Variants in DSCAML1 observed in about 807,000 individuals in gnomAD.
DSCAML1 encodes DS cell adhesion molecule like 1.
Under a neutral mutation model 200.5 loss-of-function variants are expected in DSCAML1, and 38 were observed. That is an observed-to-expected ratio of 0.19 (90% CI 0.15 to 0.25). The LOEUF (loss-of-function observed/expected upper bound fraction) is 0.25, where lower values mean the gene tolerates loss of function less well. Among genes scored for constraint, DSCAML1 ranks in the 10% least tolerant of loss-of-function variants. The pLI, the probability that DSCAML1 is intolerant of heterozygous loss-of-function variation, is 1.00. For synonymous variants in DSCAML1, 1,215 were observed against 1,165.0 expected (o/e 1.04, Z -0.87); for missense variants, 2,223 against 2,858.8 (o/e 0.78, Z 5.07).
At chr11:117,456,671 CTTTTT>C (rs10661996) in intron 19 of DSCAML1, among the ~76,000 whole-genome samples, 1 of 142,138 alleles carries the variant, frequency 7.0e-6, no homozygotes, top group Non-Finnish European at 1.5e-5. Context: ...GCAGTCATTT[CTTTTT>C]TTTTTTTTTT....
At chr11:117,811,952 C>T (rs113328792) in intron 1 of DSCAML1, among the ~76,000 whole-genome samples, 21 of 152,322 alleles carry the variant, frequency 1.4e-4, no homozygotes, top group African/African-American at 3.6e-4. Flanking sequence ...CCTCTTAAAA[C>T]TCCCCAACTC....
chr11:117,770,506 C>T (rs2055017533), intron 3 of DSCAML1, among the ~76,000 whole-genome samples: 1 of 152,016 alleles, frequency 6.6e-6, no homozygotes, highest in Admixed American at 6.6e-5. Context: ...TGCCACGGGA[C>T]ATTAGGCAGG....
rs553697722 is a variant in DSCAML1 at position 117,780,105 on chromosome 11, C to T, written c.364+388G>A. On this transcript the variant is annotated intron_variant, in intron 2 of 32. Transcript: ENST00000651296. The surrounding 1 kb of genome is among the most constrained non-coding windows in gnomAD (Gnocchi z 4.8). ...TCTCACCACTGCACTCCAGTCTGGG[C>T]GACAGAGTGAGGCTCTGTCTCAAAA... Among the ~76,000 whole-genome samples, 35 of 140,122 alleles carry T rather than the reference C, an allele frequency of 2.5e-4. No homozygotes were observed. Among genetic ancestry groups the T allele is most frequent in the Admixed American group, 8.3e-4 (11 of 13,318 alleles). 91.9% of individuals were successfully genotyped at this position (140,122 alleles called of 152,430 possible). A position where few individuals can be genotyped will look rare whatever the true frequency, so the allele number is the denominator to read the frequency against.
chr11:117,575,957 A>G (rs1377219792), intron 3 of DSCAML1, among the ~76,000 whole-genome samples: 1 of 152,242 alleles, frequency 6.6e-6, no homozygotes, highest in Non-Finnish European at 1.5e-5. Context: ...TCTGCGCTAC[A>G]GAATAGAGAG....
At chr11:117,682,178 C>T (rs1248570235) in intron 3 of DSCAML1, among the ~76,000 whole-genome samples, 1 of 152,160 alleles carries the variant, frequency 6.6e-6, no homozygotes, top group African/African-American at 2.4e-5. Context: ...AATTGTCCTC[C>T]TCCAATGGCA....
At chr11:117,811,551 A>G (rs573107373) in intron 1 of DSCAML1, among the ~76,000 whole-genome samples, 195 of 152,312 alleles carry the variant, frequency 1.3e-3, no homozygotes, top group African/African-American at 3.5e-3. Context: ...CCAGGAGCTT[A>G]CTACAAGTGC....
In DSCAML1 at chr11:117,780,671, G is replaced by A; in HGVS notation, c.186C>T (p.Ala62=). The change falls in exon 2 of 33, where the codon GCC becomes GCT. Residue 62 remains alanine (A), a synonymous_variant. Coordinates refer to ENST00000651296, the MANE Select transcript of DSCAML1 (RefSeq NM_020693.4). The surrounding 1 kb of genome is among the most constrained non-coding windows in gnomAD (Gnocchi z 4.8). ...SPSAALRWYL[A]TGDDIYDVPH... ...GCACGTCGTAGATGTCGTCCCCTGT[G>A]GCCAGGTACCATCGAAGGGCCGCGC... 6.3e-7 allele frequency: 1 copy of A among 1,594,084 alleles called. No homozygotes were observed. The highest frequency in any genetic ancestry group is 8.6e-7 in the Non-Finnish European group (1 of 1,168,974).
chr11:117,487,576 C>A (rs1441951786), intron 11 of DSCAML1, among the ~76,000 whole-genome samples: 1 of 152,168 alleles, frequency 6.6e-6, no homozygotes, highest in African/African-American at 2.4e-5. Context: ...CCCGGTATCA[C>A]TGGGAATGCG....
chr11:117,646,871 A>G (rs2052532601), intron 3 of DSCAML1, among the ~76,000 whole-genome samples: 2 of 152,030 alleles, frequency 1.3e-5, no homozygotes, highest in African/African-American at 4.8e-5. Context: ...AAAAAAACAA[A>G]TCCAGAAACC....
intron 3 of DSCAML1, among the ~76,000 whole-genome samples, chr11:117,701,037 G>A (rs1373233247): frequency 2.0e-5 from 3 of 152,166 alleles, no homozygotes; most frequent in East Asian, 3.8e-4. Context: ...AGGCTGAGGC[G>A]TGTGGATCAC....
At position 117,642,471 on chromosome 11, in the gene DSCAML1, C is replaced by CTT. The variant is rs2052431774; in HGVS notation, c.512-109950_512-109949insAA. On this transcript the variant is annotated intron_variant, in intron 3 of 32. Transcript: ENST00000651296. The surrounding 1 kb of genome is among the most constrained non-coding windows in gnomAD (Gnocchi z 4.1). ...TAAGGGGAACTGTCAGGCCCCACTG[C>CTT]CAACATGCTCAGTAGGACACTAGAC... Among the ~76,000 whole-genome samples, 1 of 152,242 alleles carries CTT rather than the reference C, an allele frequency of 6.6e-6. No individual in the cohort carries two copies. Among genetic ancestry groups the CTT allele is most frequent in the Non-Finnish European group, 1.5e-5 (1 of 68,050 alleles).
At chr11:117,664,160 TGGCA>T (rs1171376491) in intron 3 of DSCAML1, among the ~76,000 whole-genome samples, 43 of 152,102 alleles carry the variant, frequency 2.8e-4, no homozygotes, top group South Asian at 6.2e-4. Flanking sequence ...AGAGGAATGG[TGGCA>T]GCGTTTCAGA....
At position 117,439,175 on chromosome 11, in the gene DSCAML1, C is replaced by T. The variant is rs552997664; in HGVS notation, c.4144+91G>A. On this transcript the variant is annotated intron_variant, in intron 23 of 32. Coordinates refer to ENST00000651296, the MANE Select transcript of DSCAML1 (RefSeq NM_020693.4). ...GTCTGTCTCTCCCTTGGTTTGGCTTCTTCCATTCGATGACCCTCTCGCATG... is the reference window on the plus strand; with the variant it reads ...GTCTGTCTCTCCCTTGGTTTGGCTTTTTCCATTCGATGACCCTCTCGCATG... 44 of 1,535,948 alleles carry T rather than the reference C, an allele frequency of 2.9e-5. No individual in the cohort carries two copies. In the Admixed American group the frequency reaches 7.1e-4, roughly 25 times the overall value.
intron 3 of DSCAML1, among the ~76,000 whole-genome samples, chr11:117,625,595 A>G (rs1311324761): frequency 6.6e-6 from 1 of 152,202 alleles, no homozygotes; most frequent in Non-Finnish European, 1.5e-5. Flanking sequence ...CAGGGCAGAG[A>G]GGATGCTCTT....
At chr11:117,440,850 G>A (rs142663361) in intron 21 of DSCAML1, among the ~76,000 whole-genome samples, 1,855 of 150,964 alleles carry the variant, frequency 0.012, 33 homozygotes, top group African/African-American at 0.043. Flanking sequence ...GAACCTGGGA[G>A]GTGGAGGTTG....
intron 3 of DSCAML1, among the ~76,000 whole-genome samples, chr11:117,600,211 G>A (rs901492896): frequency 2.0e-5 from 3 of 152,190 alleles, no homozygotes; most frequent in Non-Finnish European, 4.4e-5. Flanking sequence ...CGTTGCCGGC[G>A]GGAGTTCCTG....
intron 1 of DSCAML1, among the ~76,000 whole-genome samples, chr11:117,787,357 C>T (rs1279116457): frequency 1.3e-5 from 2 of 152,174 alleles, no homozygotes; most frequent in African/African-American, 4.8e-5. Flanking sequence ...AGCAGGCAAG[C>T]AGTAAGTATT....
At chr11:117,764,335 T>G (rs920581630) in intron 3 of DSCAML1, among the ~76,000 whole-genome samples, 1 of 152,202 alleles carries the variant, frequency 6.6e-6, no homozygotes, top group Non-Finnish European at 1.5e-5. Flanking sequence ...CTATTCAATA[T>G]GTACAAATTA....
chr11:117,814,512 C>T (rs139162630), intron 1 of DSCAML1, among the ~76,000 whole-genome samples: 2 of 152,332 alleles, frequency 1.3e-5, no homozygotes, highest in East Asian at 3.9e-4. Context: ...AGGGGTGGTC[C>T]ACCTGGTTGG....
Sources: gnomAD v4.1 joint callset for allele counts (sites outside exome capture counted in the v4.1 genomes callset) on GRCh38, gnomAD v4.1.1 for gene constraint, Gnocchi (gnomAD v3.1) non-coding constraint, MANE v1.5 for transcripts, NCBI Gene and HGNC (gene_info 2026-07-23, HGNC 2026-07-21) for gene names.